Variants in CACNA2D1 observed in about 807,000 individuals in gnomAD.
CACNA2D1 encodes calcium voltage-gated channel auxiliary subunit alpha2delta 1, also known as voltage-dependent calcium channel subunit alpha-2/delta-1.
Under a neutral mutation model 171.5 loss-of-function variants are expected in CACNA2D1, and 53 were observed. That is an observed-to-expected ratio of 0.31 (90% CI 0.25 to 0.39). CACNA2D1 has a LOEUF of 0.39. CACNA2D1 is among the 10% of genes least tolerant of loss of function. The pLI is 1.00. For synonymous variants in CACNA2D1, 442 were observed against 443.1 expected (o/e 1.00, Z 0.03); for missense variants, 903 against 1,299.8 (o/e 0.69, Z 4.69).
chr7:82,312,209 C>T (rs79528187), intron 3 of CACNA2D1, among the ~76,000 whole-genome samples: 61 of 152,192 alleles, frequency 4.0e-4, no homozygotes, highest in Non-Finnish European at 6.5e-4. Flanking sequence ...CTATAGCATA[C>T]CCGTTACTAG....
At position 82,309,819 on chromosome 7, in the gene CACNA2D1, C is replaced by T. The variant is rs1044777579; in HGVS notation, c.294+25316G>A. Among the ~76,000 whole-genome samples, 57 of 152,252 alleles carry T rather than the reference C, an allele frequency of 3.7e-4. 1 individual carries two copies. The highest frequency in any genetic ancestry group is 3.4e-3 in the Middle Eastern group (1 of 294). ...TATATGGATCCAGGACCCAGATAGT[C>T]CCTGTTCTTCATACCTGTCCTGAAT... On this transcript the variant is annotated intron_variant, in intron 3 of 38. Transcript: ENST00000356860.
chr7:82,093,311 C>A (rs1317603386), intron 6 of CACNA2D1, among the ~76,000 whole-genome samples: 1 of 152,108 alleles, frequency 6.6e-6, no homozygotes, highest in Non-Finnish European at 1.5e-5. Flanking sequence ...AGTAACTGCA[C>A]AATAAGTGTT....
rs777610338 is a variant in CACNA2D1, at chr7:81,969,993, G to A, written c.2205-9C>T. ...GCCAATTTTCTCCAGCCCTAAGGAG[G>A]AAATGGCTCATCATTTGTATTCTTT... is the stretch of plus-strand genomic sequence containing the variant. On this transcript the variant is annotated splice_polypyrimidine_tract_variant and intron_variant, in intron 27 of 38. Coordinates refer to ENST00000356860, the MANE Select transcript of CACNA2D1 (RefSeq NM_000722.4). 6 of 1,487,316 alleles carry A rather than the reference G, an allele frequency of 4.0e-6. No individual in the cohort carries two copies. In the African/African-American group the frequency reaches 4.1e-5, roughly 10 times the overall value. 92.1% of individuals were successfully genotyped at this position (1,487,316 alleles called of 1,614,324 possible).
chr7:82,005,406 A>T lies in CACNA2D1; in HGVS notation c.1590+17T>A. ...TTCTACAAAACACTAATCACTGTAA[A>T]CAAATTATATACTGACCTTTGGCTG... On this transcript the variant is annotated intron_variant, in intron 18 of 38. Transcript: ENST00000356860. The T allele has an allele frequency of 6.7e-7, 1 of 1,485,666 alleles. No homozygotes were observed. The highest frequency in any genetic ancestry group is 9.3e-7 in the Non-Finnish European group (1 of 1,071,048). 92.0% of individuals were successfully genotyped at this position (1,485,666 alleles called of 1,614,324 possible). A position where few individuals can be genotyped will look rare whatever the true frequency, so the allele number is the denominator to read the frequency against.
chr7:82,326,254 C>T (rs1008959173), intron 3 of CACNA2D1, among the ~76,000 whole-genome samples: 14 of 151,944 alleles, frequency 9.2e-5, no homozygotes, highest in Admixed American at 2.6e-4. Context: ...TTTTTGTGAC[C>T]AAGAATATGC....
chr7:82,148,021 TA>T (rs1489116020), intron 4 of CACNA2D1, among the ~76,000 whole-genome samples: 38 of 152,184 alleles, frequency 2.5e-4, no homozygotes, highest in African/African-American at 9.2e-4. Context: ...ACACTGCAGA[TA>T]CAGATAATAT....
chr7:82,336,391 T>C (rs1286121809), intron 2 of CACNA2D1, among the ~76,000 whole-genome samples: 1 of 152,196 alleles, frequency 6.6e-6, no homozygotes, highest in Non-Finnish European at 1.5e-5. Context: ...AAATAAAAAT[T>C]AATTTGAAAT....
intron 35 of CACNA2D1, 101 bp from the exon 36 acceptor site, chr7:81,962,124 G>A (rs375211284): frequency 1.9e-5 from 22 of 1,149,392 alleles, no homozygotes; most frequent in Middle Eastern, 2.1e-4. Context: ...CAAAATAAAC[G>A]TATAAGACCA....
intron 8 of CACNA2D1, among the ~76,000 whole-genome samples, chr7:82,065,777 A>T (rs2128984046): frequency 6.6e-6 from 1 of 152,276 alleles, no homozygotes; most frequent in South Asian, 2.1e-4. Context: ...TGTACTCAAA[A>T]GTTATTGATA....
chr7:82,305,681 A>G (rs1040204443), intron 3 of CACNA2D1, among the ~76,000 whole-genome samples: 1 of 152,218 alleles, frequency 6.6e-6, no homozygotes, highest in Non-Finnish European at 1.5e-5. Flanking sequence ...TTGAGTTTTC[A>G]TATTTTCTAT....
At chr7:82,373,926 C>T (rs1822714782) in intron 1 of CACNA2D1, among the ~76,000 whole-genome samples, 3 of 152,108 alleles carry the variant, frequency 2.0e-5, no homozygotes, top group Admixed American at 6.5e-5. Flanking sequence ...ATCATAGTTT[C>T]AAACAATACA....
intron 1 of CACNA2D1, among the ~76,000 whole-genome samples, chr7:82,438,277 ACT>A (rs1830250107): frequency 6.6e-6 from 1 of 152,114 alleles, no homozygotes; most frequent in Non-Finnish European, 1.5e-5. Context: ...AGGTTTTTCT[ACT>A]CTGTCAATCC....
intron 3 of CACNA2D1, among the ~76,000 whole-genome samples, chr7:82,298,636 C>CT (rs1812590320): frequency 1.3e-5 from 2 of 151,094 alleles, no homozygotes; most frequent in South Asian, 4.2e-4. Flanking sequence ...AAAGCAATGG[C>CT]TTTTCACAGG....
At chr7:82,131,023 C>T (rs1334255381) in intron 5 of CACNA2D1, among the ~76,000 whole-genome samples, 1 of 151,938 alleles carries the variant, frequency 6.6e-6, no homozygotes, top group African/African-American at 2.4e-5. Context: ...AGGATGGTCT[C>T]GATCTCTTGA....
intron 25 of CACNA2D1, among the ~76,000 whole-genome samples, chr7:81,973,889 A>G (rs377369905): frequency 6.6e-6 from 1 of 152,016 alleles, no homozygotes; most frequent in East Asian, 1.9e-4. Context: ...TTAAAAACTA[A>G]TTACTAATTT....
At chr7:82,217,933 A>C (rs1428900522) in intron 3 of CACNA2D1, among the ~76,000 whole-genome samples, 1 of 148,438 alleles carries the variant, frequency 6.7e-6, no homozygotes, top group East Asian at 2.0e-4. Context: ...TTATTTATTT[A>C]TTTATATTTT....
intron 1 of CACNA2D1, among the ~76,000 whole-genome samples, chr7:82,409,015 G>A (rs1260056321): frequency 6.6e-6 from 1 of 151,576 alleles, no homozygotes; most frequent in Non-Finnish European, 1.5e-5. Context: ...TGAGCCCAGA[G>A]TTGTCACTCT....
intron 1 of CACNA2D1, among the ~76,000 whole-genome samples, chr7:82,357,673 T>G (rs1820590207): frequency 7.4e-6 from 1 of 135,570 alleles, no homozygotes; most frequent in South Asian, 2.3e-4. Flanking sequence ...GAATGGGAAC[T>G]ATACCACAGA....
intron 4 of CACNA2D1, among the ~76,000 whole-genome samples, chr7:82,144,140 C>T (rs1454764746): frequency 6.6e-6 from 1 of 151,946 alleles, no homozygotes; most frequent in African/African-American, 2.4e-5. Context: ...AGCCTGAATC[C>T]TTGAGGCTTC....
Sources: allele counts gnomAD v4.1 joint callset (sites outside exome capture counted in the v4.1 genomes callset), GRCh38; gene constraint gnomAD v4.1.1; transcripts MANE v1.5; gene names NCBI Gene and HGNC (gene_info 2026-07-23, HGNC 2026-07-21).